The following SLC25A26 variants were observed in gnomAD, a reference collection of about 807,000 sequenced individuals.
The protein encoded by SLC25A26 is solute carrier family 25 member 26.
SLC25A26 carries 36 observed loss-of-function variants against 37.8 expected under a neutral mutation model. The observed-to-expected ratio is 0.95, with a 90% CI of 0.73 to 1.26. The LOEUF is 1.26. Ranked by LOEUF, SLC25A26 falls within the 50% of genes most tolerant of loss-of-function variation. The pLI is 0.00. For synonymous variants in SLC25A26, 129 were observed against 122.5 expected, an observed-to-expected ratio of 1.05 and a Z score of -0.35; for missense variants, 390 against 331.1, an observed-to-expected ratio of 1.18 and a Z score of -1.38.
chr3:66,242,186 C>G (rs782748458), intron 2 of SLC25A26, among the ~76,000 whole-genome samples: 1 of 152,104 alleles, frequency 6.6e-6, no homozygotes, highest in Non-Finnish European at 1.5e-5. Flanking sequence ...GTCTCTCTCC[C>G]TTTTCTTGGG....
intron 5 of SLC25A26, among the ~76,000 whole-genome samples, chr3:66,297,792 A>T (rs940207450): frequency 6.6e-6 from 1 of 152,226 alleles, no homozygotes; most frequent in African/African-American, 2.4e-5. Flanking sequence ...GCTATTTATT[A>T]TCTGACTCTT....
chr3:66,306,747 A>G lies in SLC25A26; in HGVS notation c.454-39617A>G, dbSNP rs1390834987. Reference sequence around the variant, plus strand: ...GTTCACCTCCCACTTATGAGCAAGAACATATGGTGTTTGGTTTTCTGTTCC... The same window carrying G: ...GTTCACCTCCCACTTATGAGCAAGAGCATATGGTGTTTGGTTTTCTGTTCC... On this transcript the variant is annotated intron_variant, in intron 5 of 9. Coordinates refer to ENST00000354883, the MANE Select transcript of SLC25A26 (RefSeq NM_001379210.1). 3.3e-5 allele frequency among the ~76,000 whole-genome samples: 5 copies of G among 152,154 alleles called. No homozygotes were observed. In the East Asian group the frequency reaches 9.6e-4, roughly 29 times the overall value.
intron 7 of SLC25A26, among the ~76,000 whole-genome samples, chr3:66,367,791 GA>G (rs1388798201): frequency 3.3e-5 from 5 of 152,022 alleles, no homozygotes; most frequent in Admixed American, 3.3e-4. Flanking sequence ...TTCCAGGGCA[GA>G]ATATATGGTT....
chr3:66,222,490 G>A (rs36129553), intron 1 of SLC25A26, among the ~76,000 whole-genome samples: 9,279 of 152,184 alleles, frequency 0.061, 542 homozygotes, highest in Admixed American at 0.15. Flanking sequence ...CAATGTTACC[G>A]CTTTTAAGGA....
intron 1 of SLC25A26, among the ~76,000 whole-genome samples, chr3:66,204,425 C>CAAAAAAA (rs1253739560): frequency 1.2e-4 from 8 of 66,862 alleles, no homozygotes; most frequent in African/African-American, 2.6e-4. Context: ...TACTCCGTCT[C>CAAAAAAA]AAAAAAAAAA....
intron 7 of SLC25A26, among the ~76,000 whole-genome samples, chr3:66,365,180 T>G (rs913234040): frequency 3.3e-5 from 5 of 152,200 alleles, no homozygotes; most frequent in Admixed American, 1.3e-4. Context: ...ACTTTACCCT[T>G]ACATGGCCAT....
At position 66,343,699 on chromosome 3, in the gene SLC25A26, G is replaced by A. The variant is rs78547105; in HGVS notation, c.454-2665G>A. On this transcript the variant is annotated intron_variant, in intron 5 of 9. Transcript: ENST00000354883. ...ATGAATGATGCCAATGGGATTGTTA[G>A]AGTAAATTTTAAATCTTTTTTCATC... is the stretch of plus-strand genomic sequence containing the variant. Among the ~76,000 whole-genome samples the A allele has an allele frequency of 5.7e-3, 866 of 152,244 alleles. 6 individuals are homozygous for A. Among genetic ancestry groups the A allele is most frequent in the African/African-American group, 0.019 (794 of 41,532 alleles).
chr3:66,323,117 C>T (rs1347164033), intron 5 of SLC25A26, among the ~76,000 whole-genome samples: 3 of 152,096 alleles, frequency 2.0e-5, no homozygotes, highest in Admixed American at 6.5e-5. Context: ...TGCCTCTTTC[C>T]TCTCTGAGGT....
intron 5 of SLC25A26, among the ~76,000 whole-genome samples, chr3:66,287,611 G>A (rs948235663): frequency 2.7e-4 from 41 of 152,142 alleles, no homozygotes; most frequent in African/African-American, 9.4e-4. Flanking sequence ...TCTTGCTGTT[G>A]CATTATCATG....
chr3:66,138,791 C>T (rs1384349690), intron 1 of SLC25A26, among the ~76,000 whole-genome samples: 1 of 152,090 alleles, frequency 6.6e-6, no homozygotes, highest in African/African-American at 2.4e-5. Context: ...CTTGGCAAAG[C>T]TTGGAAGCCA....
intron 5 of SLC25A26, among the ~76,000 whole-genome samples, chr3:66,299,209 T>G (rs2074998332): frequency 6.6e-6 from 1 of 152,210 alleles, no homozygotes; most frequent in South Asian, 2.1e-4. Flanking sequence ...ACTTTTTTTT[T>G]GAGGCAAAGT....
intron 9 of SLC25A26, among the ~76,000 whole-genome samples, chr3:66,372,503 G>C (rs1700401094): frequency 6.6e-6 from 1 of 152,308 alleles, no homozygotes; most frequent in East Asian, 1.9e-4. Context: ...CAGAGGAGGG[G>C]TGTCTTCCTC....
At chr3:66,199,252 C>T (rs1171132697) in intron 1 of SLC25A26, among the ~76,000 whole-genome samples, 1 of 152,050 alleles carries the variant, frequency 6.6e-6, no homozygotes, top group Admixed American at 6.6e-5. Flanking sequence ...TACCTTTACC[C>T]TGACCATGAC....
chr3:66,349,820 C>A (rs1013843209), intron 6 of SLC25A26, among the ~76,000 whole-genome samples: 2 of 152,060 alleles, frequency 1.3e-5, no homozygotes, highest in African/African-American at 2.4e-5. Context: ...GCATTCCCAC[C>A]AACAGTGTAT....
chr3:66,341,946 CTA>C (rs991703517), intron 5 of SLC25A26, among the ~76,000 whole-genome samples: 7 of 152,034 alleles, frequency 4.6e-5, no homozygotes, highest in Non-Finnish European at 1.5e-5. Context: ...ATAATTATCA[CTA>C]TGGGACAAGG....
chr3:66,316,616 G>A (rs917843512), intron 5 of SLC25A26, among the ~76,000 whole-genome samples: 16 of 152,048 alleles, frequency 1.1e-4, no homozygotes, highest in African/African-American at 3.6e-4. Context: ...TTCTCATGGA[G>A]TTATCTTCCT....
intron 1 of SLC25A26, among the ~76,000 whole-genome samples, chr3:66,206,894 CTTTTTTTTTTTTT>C (rs1192766670): frequency 4.8e-5 from 6 of 124,576 alleles, no homozygotes; most frequent in African/African-American, 1.8e-4. Context: ...TTCTTTCTTT[CTTTTTTTTTTTTT>C]TTTTTTTTAA....
chr3:66,233,224 C>G (rs1427265977), intron 1 of SLC25A26, among the ~76,000 whole-genome samples: 1 of 152,242 alleles, frequency 6.6e-6, no homozygotes, highest in Non-Finnish European at 1.5e-5. Flanking sequence ...TATAACTTCT[C>G]AGAGTAATTG....
At chr3:66,280,179 C>T (rs923211702) in intron 5 of SLC25A26, among the ~76,000 whole-genome samples, 2 of 152,062 alleles carry the variant, frequency 1.3e-5, no homozygotes, top group African/African-American at 4.8e-5. Context: ...GTGAAGACAC[C>T]AAAGGTCTGG....
Sources: allele counts gnomAD v4.1 joint callset (sites outside exome capture counted in the v4.1 genomes callset), GRCh38; gene constraint gnomAD v4.1.1; transcripts MANE v1.5; gene names NCBI Gene and HGNC (gene_info 2026-07-23, HGNC 2026-07-21).